Variants in ANO1 observed in about 807,000 individuals in gnomAD.
The protein encoded by ANO1 is anoctamin-1.
Under a neutral mutation model 124.0 loss-of-function variants are expected in ANO1, and 59 were observed. The observed-to-expected ratio is 0.48, with a 90% CI of 0.39 to 0.59. The LOEUF is 0.59. ANO1 is among the 20% of genes least tolerant of loss of function. The pLI, the probability that ANO1 is intolerant of heterozygous loss-of-function variation, is 0.00. For synonymous variants in ANO1, 529 were observed against 532.0 expected (o/e 0.99, Z 0.08); for missense variants, 1,059 against 1,328.0 (o/e 0.80, Z 3.15).
intron 1 of ANO1, among the ~76,000 whole-genome samples, chr11:70,040,452 A>G (rs1555004914): frequency 6.6e-6 from 1 of 152,210 alleles, no homozygotes; most frequent in Non-Finnish European, 1.5e-5. Flanking sequence ...ATTGCAAAAA[A>G]GTTACAAAAG....
intron 16 of ANO1, among the ~76,000 whole-genome samples, chr11:70,159,920 A>G (rs953294451): frequency 1.9e-4 from 29 of 152,174 alleles, no homozygotes; most frequent in Non-Finnish European, 3.5e-4. Context: ...GGCTGCAGGC[A>G]TTTTCCTGGG....
chr11:69,975,909 T>C, the ANO1 span, among the ~76,000 whole-genome samples: 2,849 of 152,294 alleles, frequency 0.019, 185 homozygotes, highest in East Asian at 0.22. Context: ...AAAACACTCA[T>C]GTACCATGCT....
intron 1 of ANO1, among the ~76,000 whole-genome samples, chr11:70,085,206 G>GC (rs1242024692): frequency 2.6e-5 from 4 of 152,230 alleles, no homozygotes; most frequent in South Asian, 4.1e-4. Context: ...AGGAATGCAG[G>GC]CCCCCCGTGC....
At chr11:70,145,082 G>A in intron 11 of ANO1, among the ~76,000 whole-genome samples, 1 of 152,348 alleles carries the variant, frequency 6.6e-6, no homozygotes, top group South Asian at 2.1e-4. Flanking sequence ...ACTCGTGTGG[G>A]TGAGGAGGGA....
intron 1 of ANO1, among the ~76,000 whole-genome samples, chr11:70,051,555 T>C: frequency 6.6e-6 from 1 of 152,192 alleles, no homozygotes; most frequent in Non-Finnish European, 1.5e-5. Flanking sequence ...TTGTCAGGTT[T>C]TGTTTTGGGG....
At chr11:70,002,003 T>C (rs1401820059) in intron 1 of ANO1, among the ~76,000 whole-genome samples, 1 of 152,158 alleles carries the variant, frequency 6.6e-6, no homozygotes, top group Non-Finnish European at 1.5e-5. Flanking sequence ...GCTGTAATGA[T>C]GTTTTGGTCA....
intron 6 of ANO1, among the ~76,000 whole-genome samples, chr11:70,109,365 A>G (rs1167415966): frequency 1.3e-5 from 2 of 152,222 alleles, no homozygotes; most frequent in Non-Finnish European, 2.9e-5. Flanking sequence ...AACCCTCGAC[A>G]GCTCTGGTGG....
In ANO1 at chr11:70,104,168, G is replaced by A. The variant is rs759539846; in HGVS notation, c.692+18G>A. 2 of 1,606,462 alleles carry A rather than the reference G, an allele frequency of 1.2e-6. No homozygotes were observed. The highest frequency in any genetic ancestry group is 1.7e-5 in the Admixed American group (1 of 59,208). ...CAGCATCTGTAAGTGGGGACCCCCA[G>A]CCTGCTCCCCAAAGGGTCCTGTGTG... On this transcript the variant is annotated intron_variant, in intron 4 of 25. Transcript: ENST00000355303.
intron 1 of ANO1, among the ~76,000 whole-genome samples, chr11:70,010,692 C>A (rs1856585620): frequency 6.6e-6 from 1 of 152,078 alleles, no homozygotes; most frequent in South Asian, 2.1e-4. Flanking sequence ...TCAGTAGCCT[C>A]ATCACTGTCC....
upstream of ANO1, among the ~76,000 whole-genome samples, chr11:69,984,565 T>C (rs1442416516): frequency 6.6e-6 from 1 of 152,090 alleles, no homozygotes; most frequent in Non-Finnish European, 1.5e-5. Flanking sequence ...GGTTTGCCGC[T>C]TCAAGAGCAA....
intron 2 of ANO1, among the ~76,000 whole-genome samples, chr11:70,093,874 G>C (rs920127410): frequency 6.6e-6 from 1 of 152,256 alleles, no homozygotes; most frequent in South Asian, 2.1e-4. Flanking sequence ...CTCCGAGTGC[G>C]GGTTCAGACC....
the ANO1 span, among the ~76,000 whole-genome samples, chr11:69,971,558 ACTC>A: frequency 1.5e-4 from 23 of 150,280 alleles, no homozygotes; most frequent in South Asian, 1.9e-3. Flanking sequence ...TTTTCTTTTT[ACTC>A]CTCCTCCTCC....
chr11:70,012,177 T>G (rs880002683), intron 1 of ANO1, among the ~76,000 whole-genome samples: 1 of 152,186 alleles, frequency 6.6e-6, no homozygotes, highest in Non-Finnish European at 1.5e-5. Context: ...CATCTATCTA[T>G]CCATCCATTG....
intron 1 of ANO1, among the ~76,000 whole-genome samples, chr11:70,039,820 C>A (rs12224930): frequency 0.019 from 2,905 of 152,230 alleles, 112 homozygotes; most frequent in East Asian, 0.16. Flanking sequence ...CCCTTTCCTC[C>A]CACTTCCAAA....
At chr11:70,070,776 C>T (rs557458754) in intron 1 of ANO1, among the ~76,000 whole-genome samples, 129 of 152,282 alleles carry the variant, frequency 8.5e-4, no homozygotes, top group African/African-American at 2.6e-3. Context: ...AACACTTGAG[C>T]GAATGAATGA....
At chr11:70,119,900 T>C (rs1289499762) in intron 8 of ANO1, among the ~76,000 whole-genome samples, 1 of 151,366 alleles carries the variant, frequency 6.6e-6, no homozygotes, top group Non-Finnish European at 1.5e-5. Flanking sequence ...GATGGGTGGG[T>C]AGATGGATGA....
chr11:70,059,917 G>A (rs1449835020), intron 1 of ANO1, among the ~76,000 whole-genome samples: 2 of 151,772 alleles, frequency 1.3e-5, no homozygotes, highest in Non-Finnish European at 2.9e-5. Flanking sequence ...CTGGAGTGGG[G>A]GCTGGGATAT....
intron 11 of ANO1, among the ~76,000 whole-genome samples, chr11:70,145,043 A>G (rs537136506): frequency 6.6e-6 from 1 of 152,306 alleles, no homozygotes; most frequent in African/African-American, 2.4e-5. Flanking sequence ...GAGGACCAGG[A>G]TTGGGACCCT....
At chr11:69,993,331 A>T (rs1158895633) in intron 1 of ANO1, among the ~76,000 whole-genome samples, 6 of 152,244 alleles carry the variant, frequency 3.9e-5, no homozygotes, top group African/African-American at 1.4e-4. Context: ...ACTTCAACAC[A>T]AAAGTCTGAA....
Sources: allele counts gnomAD v4.1 joint callset (sites outside exome capture counted in the v4.1 genomes callset), GRCh38; gene constraint gnomAD v4.1.1; transcripts MANE v1.5; gene names NCBI Gene and HGNC (gene_info 2026-07-23, HGNC 2026-07-21).